The following TRAM2 variants were observed in gnomAD, a reference collection of about 807,000 sequenced individuals.
TRAM2 encodes the protein translocation associated membrane protein 2.
TRAM2 carries 12 observed loss-of-function variants against 51.0 expected under a neutral mutation model. The observed-to-expected ratio is 0.24, with a 90% CI of 0.15 to 0.38. TRAM2 has a LOEUF of 0.38. TRAM2 is among the 10% of genes least tolerant of loss of function. TRAM2 has a pLI of 1.00. For synonymous variants in TRAM2, 175 were observed against 179.4 expected (o/e 0.98, Z 0.20); for missense variants, 361 against 462.0 (o/e 0.78, Z 2.00).
chr6:52,520,941 CAG>C (rs1407896830), intron 2 of TRAM2, among the ~76,000 whole-genome samples: 6 of 148,602 alleles, frequency 4.0e-5, no homozygotes, highest in Non-Finnish European at 7.6e-5. Context: ...TTTTTTGAGA[CAG>C]AGTCACCCAG....
At chr6:52,521,684 G>A (rs1021879029) in intron 2 of TRAM2, among the ~76,000 whole-genome samples, 10 of 151,188 alleles carry the variant, frequency 6.6e-5, no homozygotes, top group South Asian at 2.1e-4. Context: ...GAGACAGAGC[G>A]AGAGACTCCA....
chr6:52,571,519 G>C (rs1291555711), intron 1 of TRAM2, among the ~76,000 whole-genome samples: 1 of 152,146 alleles, frequency 6.6e-6, no homozygotes, highest in Non-Finnish European at 1.5e-5. Context: ...TTAACTTGCA[G>C]GGCAGTCTCC....
At chr6:52,506,601 T>C (rs1044971185) in intron 7 of TRAM2, among the ~76,000 whole-genome samples, 1 of 152,236 alleles carries the variant, frequency 6.6e-6, no homozygotes, top group African/African-American at 2.4e-5. Flanking sequence ...GCCCTGCTTA[T>C]ACGTTCTTCC....
intron 2 of TRAM2, among the ~76,000 whole-genome samples, chr6:52,535,338 C>T (rs995439215): frequency 3.3e-5 from 5 of 152,182 alleles, no homozygotes; most frequent in Non-Finnish European, 7.3e-5. Flanking sequence ...AATGCTGCAC[C>T]ACTGCAATCT....
At chr6:52,515,218 C>G (rs1766525814) in intron 4 of TRAM2, among the ~76,000 whole-genome samples, 1 of 152,162 alleles carries the variant, frequency 6.6e-6, no homozygotes, top group Non-Finnish European at 1.5e-5. Context: ...GCATGGATTT[C>G]TCAGGGGGCC....
chr6:52,521,469 G>C (rs573516938), intron 2 of TRAM2, among the ~76,000 whole-genome samples: 1 of 151,616 alleles, frequency 6.6e-6, no homozygotes, highest in African/African-American at 2.4e-5. Flanking sequence ...CGAGGCAGGC[G>C]GATCAAGAGA....
intron 1 of TRAM2, among the ~76,000 whole-genome samples, chr6:52,542,347 C>T (rs1005699377): frequency 6.6e-6 from 1 of 151,512 alleles, no homozygotes; most frequent in Non-Finnish European, 1.5e-5. Context: ...CCTGCATGCG[C>T]CAGGTATGTG....
intron 3 of TRAM2, 187 bp downstream of exon 3, chr6:52,516,441 G>A (rs1011805074): frequency 1.9e-5 from 12 of 616,294 alleles, no homozygotes; most frequent in Non-Finnish European, 3.2e-5. Context: ...GCTGTCCCAT[G>A]TGCTGATTAA....
chr6:52,556,285 CTTTT>C (rs10531756), intron 1 of TRAM2, among the ~76,000 whole-genome samples: 3 of 146,136 alleles, frequency 2.1e-5, no homozygotes, highest in Admixed American at 6.8e-5. Context: ...TTTTGTTTGG[CTTTT>C]TTTTTTTTTG....
chr6:52,556,361 A>G (rs1370048003), intron 1 of TRAM2, among the ~76,000 whole-genome samples: 1 of 151,452 alleles, frequency 6.6e-6, no homozygotes, highest in Non-Finnish European at 1.5e-5. Context: ...GCTCACTGAA[A>G]CCTACACCTC....
intron 2 of TRAM2, among the ~76,000 whole-genome samples, chr6:52,532,589 A>T (rs1766911987): frequency 6.6e-6 from 1 of 152,248 alleles, no homozygotes; most frequent in Non-Finnish European, 1.5e-5. Flanking sequence ...ATAGGAAGTT[A>T]TCCTAAGAAA....
chr6:52,528,585 G>A (rs1027313286), intron 2 of TRAM2, among the ~76,000 whole-genome samples: 11 of 152,206 alleles, frequency 7.2e-5, no homozygotes, highest in Non-Finnish European at 1.6e-4. Context: ...TTTGACTGCA[G>A]CAAGTCTCAT....
At chr6:52,560,974 G>A (rs1284917180) in intron 1 of TRAM2, among the ~76,000 whole-genome samples, 1 of 152,086 alleles carries the variant, frequency 6.6e-6, no homozygotes, top group Non-Finnish European at 1.5e-5. Flanking sequence ...ATTCATAATC[G>A]CCAAAAGAGA....
At chr6:52,559,614 C>T (rs1326907506) in intron 1 of TRAM2, among the ~76,000 whole-genome samples, 3 of 152,212 alleles carry the variant, frequency 2.0e-5, no homozygotes, top group African/African-American at 4.8e-5. Flanking sequence ...ACAGAAGACA[C>T]GCTTGTTATC....
intron 4 of TRAM2, among the ~76,000 whole-genome samples, chr6:52,513,880 CT>C (rs1481569194): frequency 6.6e-6 from 1 of 152,154 alleles, no homozygotes; most frequent in Non-Finnish European, 1.5e-5. Flanking sequence ...AAACAGTCTC[CT>C]TCTAGAAAAA....
intron 2 of TRAM2, among the ~76,000 whole-genome samples, chr6:52,532,028 C>G (rs1055797674): frequency 6.6e-6 from 1 of 152,182 alleles, no homozygotes; most frequent in African/African-American, 2.4e-5. Context: ...CCCCACTCCG[C>G]CTTACTCAAA....
In TRAM2 at chr6:52,539,200, G is replaced by GA. The variant is rs751086345; in HGVS notation, c.121-3355dup. 4.6e-5 allele frequency among the ~76,000 whole-genome samples: 7 copies of GA among 152,166 alleles called. No homozygotes were observed. In the South Asian group the frequency reaches 1.5e-3, roughly 32 times the overall value. On this transcript the variant is annotated intron_variant, in intron 1 of 10. Coordinates refer to ENST00000182527, the MANE Select transcript of TRAM2 (RefSeq NM_012288.4). ...ATAGTGAAATCACCAAAAAGCAGCA[G>GA]AAAAATGCAAAAAATGTGGCACTAA...
intron 2 of TRAM2, 21 bp from the exon 3 acceptor site, chr6:52,516,758 C>T: frequency 1.3e-6 from 2 of 1,572,094 alleles, no homozygotes; most frequent in Non-Finnish European, 1.8e-6. Flanking sequence ...AATAAAAGTC[C>T]CATCAGCATC....
At chr6:52,516,562 G>A in intron 3 of TRAM2, 66 bp downstream of exon 3, 1 of 1,349,742 alleles carries the variant, frequency 7.4e-7, no homozygotes, top group Non-Finnish European at 1.1e-6. Context: ...TTTCCTCCAA[G>A]GCCAGGTCCT....
Sources: gnomAD v4.1 joint callset for allele counts (sites outside exome capture counted in the v4.1 genomes callset) on GRCh38, gnomAD v4.1.1 for gene constraint, MANE v1.5 for transcripts, NCBI Gene and HGNC (gene_info 2026-07-23, HGNC 2026-07-21) for gene names.